The following CNKSR2 variants were observed in gnomAD, a reference collection of about 807,000 sequenced individuals.
CNKSR2 encodes the protein CNK homolog protein 2.
Under a neutral mutation model 84.4 loss-of-function variants are expected in CNKSR2, and 14 were observed. The ratio of observed to expected loss-of-function variants is 0.17; its 90% CI spans 0.11 to 0.26. The LOEUF is 0.26. CNKSR2 is among the 10% of genes least tolerant of loss of function. CNKSR2 has a pLI of 1.00. For missense variants in CNKSR2, 485 were observed against 771.2 expected (o/e 0.63, Z 4.40); for synonymous variants, 275 against 277.9 (o/e 0.99, Z 0.10).
At chrX:21,582,903 A>T (rs1449395667) in intron 13 of CNKSR2, among the ~76,000 whole-genome samples, 2 of 111,610 alleles carry the variant, frequency 1.8e-5, no homozygotes, top group African/African-American at 6.5e-5. Context: ...CATGAGAGTC[A>T]ATCACATCCT....
intron 11 of CNKSR2, chrX:21,538,150 T>C (rs917700699): frequency 2.7e-5 from 3 of 111,760 alleles, no homozygotes; most frequent in African/African-American, 9.7e-5. Context: ...CTCAGTCTTT[T>C]CTTGTCTGGG....
chrX:21,498,721 A>G (rs983682985), intron 7 of CNKSR2, among the ~76,000 whole-genome samples: 2 of 112,235 alleles, frequency 1.8e-5, no homozygotes, highest in African/African-American at 6.5e-5. Context: ...TCAGTGTGAT[A>G]GAGGTGAACA....
chrX:21,387,798 C>G (rs1325038829), intron 1 of CNKSR2, among the ~76,000 whole-genome samples: 1 of 111,090 alleles, frequency 9.0e-6, no homozygotes, highest in East Asian at 2.8e-4. Context: ...CACTAAAATG[C>G]CCTTATTGTA....
chrX:21,541,354 A>G (rs2091975709), intron 11 of CNKSR2, among the ~76,000 whole-genome samples: 1 of 111,965 alleles, frequency 8.9e-6, no homozygotes, highest in African/African-American at 3.2e-5. Context: ...TGGACCCTCT[A>G]GTTGTTAAGA....
chrX:21,420,788 C>G (rs1179028568), intron 1 of CNKSR2, among the ~76,000 whole-genome samples: 1 of 110,270 alleles, frequency 9.1e-6, no homozygotes, highest in East Asian at 2.9e-4. Context: ...CCTGTTTTCT[C>G]CTCAAGCGGA....
chrX:21,614,334 G>A (rs1419509893), intron 20 of CNKSR2, among the ~76,000 whole-genome samples: 5 of 111,756 alleles, frequency 4.5e-5, no homozygotes, highest in Non-Finnish European at 9.4e-5. Flanking sequence ...AAATAAAAAT[G>A]TTGCAACACT....
chrX:21,574,636 C>A (rs906008703), intron 13 of CNKSR2, among the ~76,000 whole-genome samples: 1 of 111,236 alleles, frequency 9.0e-6, no homozygotes, highest in African/African-American at 3.3e-5. Context: ...TTACCTCCCA[C>A]TGGGTCCCTC....
intron 17 of CNKSR2, among the ~76,000 whole-genome samples, chrX:21,595,816 C>T (rs955225760): frequency 3.6e-5 from 4 of 111,805 alleles, no homozygotes; most frequent in Non-Finnish European, 7.5e-5. Context: ...CTTTCTGTCA[C>T]TTTTCATCTT....
intron 20 of CNKSR2, among the ~76,000 whole-genome samples, chrX:21,613,189 G>A (rs1471522671): frequency 8.9e-6 from 1 of 112,251 alleles, no homozygotes; most frequent in East Asian, 2.8e-4. Flanking sequence ...ATGAAAGTAT[G>A]GGACAAAATA....
chrX:21,610,534 C>A (rs2092545229), intron 20 of CNKSR2, among the ~76,000 whole-genome samples: 1 of 112,227 alleles, frequency 8.9e-6, no homozygotes, highest in African/African-American at 3.2e-5. Flanking sequence ...TAAAACTGTT[C>A]ACATCTCTTT....
At chrX:21,637,717 A>G (rs1438134590) in intron 20 of CNKSR2, among the ~76,000 whole-genome samples, 2 of 111,730 alleles carry the variant, frequency 1.8e-5, no homozygotes, top group African/African-American at 6.5e-5. Context: ...TACATAGAGA[A>G]AAGTAATTAT....
intron 15 of CNKSR2, chrX:21,593,412 G>T (rs1441068672): frequency 9.0e-6 from 1 of 111,567 alleles, no homozygotes; most frequent in East Asian, 2.8e-4. Context: ...CAATCTAAAA[G>T]AATCGAGAAC....
At chrX:21,494,003 A>C (rs2091467730) in intron 6 of CNKSR2, 1 of 111,569 alleles carries the variant, frequency 9.0e-6, no homozygotes, top group South Asian at 3.8e-4. Context: ...AAGCATTTAA[A>C]ATTTTTATTC....
chrX:21,413,623 C>A (rs1348633347), intron 1 of CNKSR2, among the ~76,000 whole-genome samples: 2 of 110,839 alleles, frequency 1.8e-5, no homozygotes, highest in Non-Finnish European at 3.8e-5. Context: ...CCTCCCCACA[C>A]CACTAGCCTT....
chrX:21,509,026 T>C (rs146510173), intron 8 of CNKSR2, among the ~76,000 whole-genome samples: 2,820 of 111,988 alleles, frequency 0.025, 39 homozygotes, highest in Middle Eastern at 0.041. Context: ...CTCTCTCTCT[T>C]GGACTCTCTG....
chrX:21,573,798 C>T (rs2092300682), intron 13 of CNKSR2, among the ~76,000 whole-genome samples: 1 of 111,893 alleles, frequency 8.9e-6, no homozygotes, highest in Non-Finnish European at 1.9e-5. Context: ...AGGTCTCTGA[C>T]ATCACCTGGA....
chrX:21,476,057 C>T (rs1218894723), intron 5 of CNKSR2, among the ~76,000 whole-genome samples: 1 of 110,642 alleles, frequency 9.0e-6, no homozygotes, highest in Non-Finnish European at 1.9e-5. Flanking sequence ...GGTGGTGTAT[C>T]TTTCCCTGAA....
At chrX:21,500,513 A>G (rs1427363316) in intron 7 of CNKSR2, among the ~76,000 whole-genome samples, 1 of 111,310 alleles carries the variant, frequency 9.0e-6, no homozygotes. Flanking sequence ...ACACATACAC[A>G]TCTATCTAGA....
chrX:21,609,312 A>C lies in CNKSR2; in HGVS notation c.2387A>C (p.Asp796Ala). ...CCCCTGGAGGATTCTGTCTTCTCTG[A>C]CTCCGCGGCCATCTCCCCAGAGCAC... ...TLPLEDSVFS[D>A]SAAISPEHRR... Residue 796 changes from aspartate to alanine, a missense_variant, in exon 20 of 22, where the codon GAC (aspartate) becomes GCC (alanine). By Grantham distance (126) the Asp-to-Ala change is moderately radical. Transcript: ENST00000379510. The C allele has an allele frequency of 8.3e-7, 1 of 1,210,114 alleles. No individual in the cohort carries two copies. Among genetic ancestry groups the C allele is most frequent in the Non-Finnish European group, 1.1e-6 (1 of 895,075 alleles).
Sources: gnomAD v4.1 joint callset for allele counts (sites outside exome capture counted in the v4.1 genomes callset) on GRCh38, gnomAD v4.1.1 for gene constraint, MANE v1.5 for transcripts, NCBI Gene and HGNC (gene_info 2026-07-23, HGNC 2026-07-21) for gene names.